GNAQ: variants seen among roughly 807,000 people sequenced by gnomAD.
GNAQ encodes G protein subunit alpha q.
GNAQ carries 8 observed loss-of-function variants against 43.9 expected under a neutral mutation model. The observed-to-expected ratio is 0.18, with a 90% confidence interval of 0.11 to 0.33. The LOEUF (loss-of-function observed/expected upper bound fraction) is 0.33. Ranked by LOEUF, GNAQ falls within the 10% of genes least tolerant of loss-of-function variation. GNAQ has a pLI of 1.00. For missense variants in GNAQ, 158 were observed against 450.8 expected (o/e 0.35, Z 5.88); for synonymous variants, 155 against 170.7 (o/e 0.91, Z 0.71).
At chr9:77,981,225 T>C (rs1444411985) in intron 1 of GNAQ, among the ~76,000 whole-genome samples, 3 of 152,166 alleles carry the variant, frequency 2.0e-5, no homozygotes, top group Non-Finnish European at 4.4e-5. Context: ...TTCTACTCAC[T>C]GCCAATATTC....
chr9:78,002,162 G>A (rs755716672), intron 1 of GNAQ, among the ~76,000 whole-genome samples: 1 of 152,084 alleles, frequency 6.6e-6, no homozygotes, highest in Non-Finnish European at 1.5e-5. Flanking sequence ...GTTAAGTGAT[G>A]TGAATTAATC....
intron 2 of GNAQ, among the ~76,000 whole-genome samples, chr9:77,916,828 A>T (rs1828915240): frequency 6.6e-6 from 1 of 152,110 alleles, no homozygotes; most frequent in Admixed American, 6.5e-5. Flanking sequence ...TCTCTTAGAC[A>T]ACTGTCTTAA....
chr9:77,820,994 G>A (rs977136582), intron 2 of GNAQ, among the ~76,000 whole-genome samples: 4 of 152,010 alleles, frequency 2.6e-5, no homozygotes, highest in Admixed American at 6.5e-5. Context: ...AATATTTATC[G>A]CTCATGTGTT....
At chr9:77,863,179 A>AAAGGAAGGAAGG (rs750178023) in intron 2 of GNAQ, among the ~76,000 whole-genome samples, 44,606 of 129,828 alleles carry the variant, frequency 0.34, 9,320 homozygotes, top group Non-Finnish European at 0.45. Flanking sequence ...CGTATGAAAG[A>AAAGGAAGGAAGG]AAGGAAGGAA....
chr9:77,989,420 A>G (rs1564171968), intron 1 of GNAQ, among the ~76,000 whole-genome samples: 1 of 152,204 alleles, frequency 6.6e-6, no homozygotes, highest in African/African-American at 2.4e-5. Context: ...CTAGTGACTG[A>G]GCTGAGCCTG....
chr9:77,961,408 T>C (rs984819116), intron 1 of GNAQ, among the ~76,000 whole-genome samples: 3 of 151,948 alleles, frequency 2.0e-5, no homozygotes, highest in African/African-American at 7.3e-5. Context: ...GACAGAATGC[T>C]GGAAAGGAAA....
intron 2 of GNAQ, among the ~76,000 whole-genome samples, chr9:77,915,015 C>T (rs1188540594): frequency 6.6e-6 from 1 of 151,962 alleles, no homozygotes; most frequent in African/African-American, 2.4e-5. Context: ...GCAAAAGCTT[C>T]AAAATATAAG....
At chr9:77,997,976 G>A (rs1823596226) in intron 1 of GNAQ, among the ~76,000 whole-genome samples, 1 of 152,172 alleles carries the variant, frequency 6.6e-6, no homozygotes, top group Admixed American at 6.5e-5. Context: ...TTCCTTAACT[G>A]AAGGCACTGA....
chr9:77,890,890 C>T (rs1828395233), intron 2 of GNAQ, among the ~76,000 whole-genome samples: 1 of 152,158 alleles, frequency 6.6e-6, no homozygotes, highest in Admixed American at 6.5e-5. Flanking sequence ...CTCATGCCTA[C>T]AATCCCAGTA....
At chr9:77,761,254 A>G (rs865978360) in intron 5 of GNAQ, among the ~76,000 whole-genome samples, 1,358 of 67,214 alleles carry the variant, frequency 0.02, no homozygotes, top group South Asian at 0.045. Flanking sequence ...CCGGCCAGCC[A>G]CCCTGTCCGG....
intron 1 of GNAQ, among the ~76,000 whole-genome samples, chr9:77,943,745 C>T (rs996037573): frequency 6.7e-6 from 1 of 148,754 alleles, no homozygotes; most frequent in Admixed American, 6.8e-5. Context: ...CTCACTGCAA[C>T]CTCTGCCTCC....
chr9:77,800,208 C>A (rs1826720032), intron 3 of GNAQ, among the ~76,000 whole-genome samples: 1 of 151,734 alleles, frequency 6.6e-6, no homozygotes, highest in Non-Finnish European at 1.5e-5. Flanking sequence ...TTTGACCCAG[C>A]CATCCCATTA....
intron 1 of GNAQ, among the ~76,000 whole-genome samples, chr9:77,960,925 T>C (rs1823099956): frequency 6.6e-6 from 1 of 152,160 alleles, no homozygotes. Flanking sequence ...AAGCAACCAT[T>C]TCATAAATGA....
intron 1 of GNAQ, among the ~76,000 whole-genome samples, chr9:77,986,803 C>CTTTTTTTTT (rs56978328): frequency 8.1e-6 from 1 of 123,564 alleles, no homozygotes; most frequent in African/African-American, 3.1e-5. Flanking sequence ...GCACCTGGCC[C>CTTTTTTTTT]TTTTTTTTTT....
chr9:77,917,374 G>T (rs12343046), intron 2 of GNAQ, among the ~76,000 whole-genome samples: 2 of 151,192 alleles, frequency 1.3e-5, no homozygotes, highest in African/African-American at 4.9e-5. Context: ...GAAGGAGGGT[G>T]GGGGGGAAGA....
intron 5 of GNAQ, among the ~76,000 whole-genome samples, chr9:77,743,938 A>C (rs1047731343): frequency 6.6e-6 from 1 of 152,206 alleles, no homozygotes; most frequent in Non-Finnish European, 1.5e-5. Flanking sequence ...CATAAAATAA[A>C]AGGTACACAG....
intron 5 of GNAQ, among the ~76,000 whole-genome samples, chr9:77,731,279 G>GGTTAA (rs1190657306): frequency 3.3e-5 from 5 of 152,166 alleles, no homozygotes; most frequent in Admixed American, 3.3e-4. Context: ...GGTGTACCAT[G>GGTTAA]TCTCTCTGAT....
chr9:78,002,833 T>C (rs2094910097), intron 1 of GNAQ, among the ~76,000 whole-genome samples: 1 of 152,210 alleles, frequency 6.6e-6, no homozygotes, highest in Non-Finnish European at 1.5e-5. Flanking sequence ...TCATATCAAC[T>C]ACCTTTTCTC....
chr9:77,948,749 G>C (rs1346902081), intron 1 of GNAQ, among the ~76,000 whole-genome samples: 1 of 152,162 alleles, frequency 6.6e-6, no homozygotes, highest in East Asian at 1.9e-4. Context: ...CCCTAGCATT[G>C]TTTAGGAGAT....
Sources: gnomAD v4.1 joint callset for allele counts (sites outside exome capture counted in the v4.1 genomes callset) on GRCh38, gnomAD v4.1.1 for gene constraint, MANE v1.5 for transcripts, NCBI Gene and HGNC (gene_info 2026-07-23, HGNC 2026-07-21) for gene names.